NAV1: variants seen among roughly 807,000 people sequenced by gnomAD.
NAV1 encodes the protein pore membrane and/or filament interacting like protein 3.
A neutral mutation model predicts 175.2 loss-of-function variants in NAV1; 18 were observed. That is an observed-to-expected ratio of 0.10 (90% CI 0.07 to 0.15). The LOEUF is 0.15. NAV1 is among the 10% of genes least tolerant of loss of function. The pLI, the probability that NAV1 is intolerant of heterozygous loss-of-function variation, is 1.00. For missense variants in NAV1, 1,731 were observed against 2,436.6 expected, an observed-to-expected ratio of 0.71 and a Z score of 6.10; for synonymous variants, 897 against 978.7, an observed-to-expected ratio of 0.92 and a Z score of 1.56.
At chr1:201,727,057 CTG>C (rs1571909786) in intron 3 of NAV1, among the ~76,000 whole-genome samples, 1 of 152,270 alleles carries the variant, frequency 6.6e-6, no homozygotes, top group East Asian at 1.9e-4. Flanking sequence ...CAGCCGAAAA[CTG>C]TGGAGAGAAG....
At chr1:201,754,862 A>G (rs901601955) in intron 3 of NAV1, among the ~76,000 whole-genome samples, 14 of 152,252 alleles carry the variant, frequency 9.2e-5, no homozygotes, top group Non-Finnish European at 1.9e-4. Context: ...TTCAATATGT[A>G]CAATGGACCC....
chr1:201,623,426 A>C, exon 1 of NAV1: 11 of 985,852 alleles, frequency 1.1e-5, no homozygotes, highest in Non-Finnish European at 1.3e-5. Flanking sequence ...ATAAACTACA[A>C]AAGTTCTGGG....
At chr1:201,817,574 G>T (rs1679129553) in intron 29 of NAV1, among the ~76,000 whole-genome samples, 1 of 152,242 alleles carries the variant, frequency 6.6e-6, no homozygotes, top group Non-Finnish European at 1.5e-5. Flanking sequence ...GCTAAGGCCA[G>T]TGAGGAGCTC....
intron 1 of NAV1, among the ~76,000 whole-genome samples, chr1:201,549,087 C>CTTTCTTTCTTTCTT (rs1291356821): frequency 3.4e-4 from 36 of 106,226 alleles, no homozygotes; most frequent in Admixed American, 1.1e-3. Context: ...CTCTTTCTTT[C>CTTTCTTTCTTTCTT]TTTCTTTCTT....
chr1:201,564,718 T>C (rs955417451), intron 1 of NAV1, among the ~76,000 whole-genome samples: 2 of 152,252 alleles, frequency 1.3e-5, no homozygotes, highest in Admixed American at 6.5e-5. Flanking sequence ...CTTACAGTTC[T>C]GTACAGCAGA....
chr1:201,702,716 C>T (rs1263000341), intron 1 of NAV1, among the ~76,000 whole-genome samples: 2 of 151,608 alleles, frequency 1.3e-5, no homozygotes, highest in African/African-American at 2.4e-5. Flanking sequence ...CTCTCTCTCT[C>T]TCTCTCTCTC....
At chr1:201,809,699 G>A (rs181595184) in intron 22 of NAV1, among the ~76,000 whole-genome samples, 162 bp downstream of exon 26, 22 of 152,200 alleles carry the variant, frequency 1.4e-4, no homozygotes, top group Admixed American at 3.9e-4. Context: ...TTCTCCTGTC[G>A]CAGCCTCCTG....
At chr1:201,820,748 T>C (rs945326628) in exon 30 of NAV1, 3 of 152,152 alleles carry the variant, frequency 2.0e-5, no homozygotes, top group African/African-American at 7.2e-5. Context: ...AAACCCTACT[T>C]TTTTATTTTT....
At chr1:201,587,560 T>C (rs1457549562) in intron 1 of NAV1, among the ~76,000 whole-genome samples, 1 of 152,084 alleles carries the variant, frequency 6.6e-6, no homozygotes, top group African/African-American at 2.4e-5. Flanking sequence ...GTGGTGTGCC[T>C]GTAGTCCTGG....
exon 30 of NAV1, chr1:201,824,315 G>A (rs563297211): frequency 6.6e-6 from 1 of 152,248 alleles, no homozygotes; most frequent in African/African-American, 2.4e-5. Flanking sequence ...ACAAGTTCTG[G>A]CTCATGGCTC....
At chr1:201,693,565 G>A (rs1671048582) in intron 1 of NAV1, among the ~76,000 whole-genome samples, 1 of 152,224 alleles carries the variant, frequency 6.6e-6, no homozygotes, top group Non-Finnish European at 1.5e-5. Flanking sequence ...TCGTTGATGA[G>A]AGGGGCTCAG....
intron 1 of NAV1, among the ~76,000 whole-genome samples, chr1:201,684,475 C>CG (rs558357462): frequency 1.6e-5 from 2 of 127,874 alleles, no homozygotes; most frequent in African/African-American, 5.9e-5. Context: ...TTTATGCAGC[C>CG]TTTTTTTTTT....
chr1:201,699,916 C>T (rs1426548198), intron 1 of NAV1, among the ~76,000 whole-genome samples: 1 of 152,192 alleles, frequency 6.6e-6, no homozygotes, highest in Admixed American at 6.5e-5. Context: ...GGATCCCTTC[C>T]TTACACCTTA....
chr1:201,611,743 T>TG (rs1179623393), intron 2 of NAV1, among the ~76,000 whole-genome samples: 1 of 152,166 alleles, frequency 6.6e-6, no homozygotes, highest in Non-Finnish European at 1.5e-5. Context: ...CAGGGAAGCC[T>TG]GTGAGCACAC....
At chr1:201,719,830 A>C (rs1333053810) in intron 3 of NAV1, among the ~76,000 whole-genome samples, 1 of 151,912 alleles carries the variant, frequency 6.6e-6, no homozygotes, top group Non-Finnish European at 1.5e-5. Context: ...CTCCCCAATA[A>C]AAATCCCAGA....
chr1:201,735,283 C>G (rs1207502682), intron 3 of NAV1, among the ~76,000 whole-genome samples: 1 of 152,242 alleles, frequency 6.6e-6, no homozygotes, highest in Admixed American at 6.5e-5. Context: ...GGATCTTGAG[C>G]TAGTCACTTG....
intron 2 of NAV1, among the ~76,000 whole-genome samples, chr1:201,610,068 G>A (rs373065550): frequency 5.9e-5 from 9 of 152,162 alleles, no homozygotes; most frequent in African/African-American, 2.2e-4. Flanking sequence ...AGAGAGAAGG[G>A]AGGGCACCTT....
At chr1:201,804,786 T>C (rs1209145512) in intron 17 of NAV1, among the ~76,000 whole-genome samples, 2 of 152,166 alleles carry the variant, frequency 1.3e-5, no homozygotes, top group Admixed American at 6.5e-5. Context: ...AAAATTGGCC[T>C]GTTATAAAAA....
intron 1 of NAV1, among the ~76,000 whole-genome samples, chr1:201,703,715 C>T (rs1162786491): frequency 6.6e-6 from 1 of 152,242 alleles, no homozygotes; most frequent in East Asian, 1.9e-4. Context: ...CACGGCTGAG[C>T]AGGGCTGAGC....
Sources: allele counts gnomAD v4.1 joint callset (sites outside exome capture counted in the v4.1 genomes callset), GRCh38; gene constraint gnomAD v4.1.1; transcripts MANE v1.5; gene names NCBI Gene and HGNC (gene_info 2026-07-23, HGNC 2026-07-21).